The following CATSPER2 variants were observed in gnomAD, a reference collection of about 807,000 sequenced individuals.
CATSPER2 encodes cation channel sperm associated 2.
Under a neutral mutation model 68.8 loss-of-function variants are expected in CATSPER2, and 56 were observed. The observed-to-expected ratio is 0.81, with a 90% CI of 0.66 to 1.02. The LOEUF (loss-of-function observed/expected upper bound fraction) is 1.02, where lower values mean the gene tolerates loss of function less well. Ranked by LOEUF, CATSPER2 falls within the 50% of genes least tolerant of loss-of-function variation. The probability of loss-of-function intolerance (pLI) is 0.00; values close to 1 mark genes in which losing one functional copy is unlikely to be tolerated. For missense variants in CATSPER2, 582 were observed against 642.0 expected (o/e 0.91, Z 1.01); for synonymous variants, 198 against 229.9 (o/e 0.86, Z 1.26).
rs1170121736 is a variant in CATSPER2, at chr15:43,648,750, C to A, written c.-124G>T. On this transcript the variant is annotated 5_prime_UTR_variant, in exon 1 of 13. Transcript: ENST00000396879. ...TCAGGGCCGGCTCCCAGCCTCACTGCGCCCCATTCCCCGCCCCGCTCGACC... is the reference window on the plus strand; with the variant it reads ...TCAGGGCCGGCTCCCAGCCTCACTGAGCCCCATTCCCCGCCCCGCTCGACC... 2.2e-5 allele frequency: 33 copies of A among 1,524,512 alleles called. No homozygotes were observed. The highest frequency in any genetic ancestry group is 1.5e-4 in the East Asian group (6 of 39,718). 94.4% of individuals were successfully genotyped at this position (1,524,512 alleles called of 1,614,324 possible).
At chr15:43,631,884 G>C (rs536214829) in intron 12 of CATSPER2, among the ~76,000 whole-genome samples, 3 of 151,872 alleles carry the variant, frequency 2.0e-5, no homozygotes, top group Admixed American at 6.6e-5. Flanking sequence ...TCAAGCAAGA[G>C]CCTACCTTGT....
intron 11 of CATSPER2, 157 bp from the exon 12 acceptor site, chr15:43,632,520 G>C: frequency 7.1e-7 from 1 of 1,407,430 alleles, no homozygotes; most frequent in Non-Finnish European, 9.9e-7. Flanking sequence ...TTTTTACAAC[G>C]AGCAAAGAGG....
chr15:43,640,559 T>C, intron 4 of CATSPER2, 63 bp from the exon 5 acceptor site: 4 of 1,608,746 alleles, frequency 2.5e-6, no homozygotes, highest in East Asian at 2.2e-5. Flanking sequence ...TGATGGAGAA[T>C]GAACACACTT....
At chr15:43,647,010 C>A in intron 4 of CATSPER2, 40 bp downstream of exon 4, 1 of 1,549,844 alleles carries the variant, frequency 6.5e-7, no homozygotes, top group Non-Finnish European at 8.9e-7. Flanking sequence ...AGCCGGCGTG[C>A]CCGGCCTCAC....
rs1358311903 is a variant in CATSPER2 at position 43,636,073 on chromosome 15, A to G, written c.989T>C (p.Ile330Thr). Residue 330 changes from isoleucine to threonine, a missense_variant, in exon 8 of 13, where the codon ATT becomes ACT. Physicochemically the swap from Ile to Thr is moderately conservative, Grantham distance 89 (BLOSUM62 -1). This residue lies in a region of CATSPER2 where 235 missense variants were observed against 264.2 expected (regional missense o/e 0.89). Coordinates refer to ENST00000396879, the MANE Select transcript of CATSPER2 (RefSeq NM_172095.4). ...YFILWLLLGS[I>T]IFRSIIVAMM... ...GGCTACTATGATACTTCGAAAGATA[A>G]TGGAGCCAAGCAACAACCAAAGGAT... 5 of 1,588,846 alleles carry G rather than the reference A, an allele frequency of 3.1e-6. No homozygotes were observed. In the African/African-American group the frequency reaches 6.8e-5, roughly 22 times the overall value.
chr15:43,647,814 T>C (rs899618184), intron 2 of CATSPER2, 103 bp downstream of exon 2: 4 of 1,294,262 alleles, frequency 3.1e-6, no homozygotes, highest in Non-Finnish European at 4.5e-6. Flanking sequence ...TTATCAAGTT[T>C]GGTAAACCAG....
Position 43,632,281 on chromosome 15 carries a change from T to C in CATSPER2, c.1479A>G (p.Arg493=). 6.2e-7 allele frequency: 1 copy of C among 1,613,690 alleles called. No homozygotes were observed. The highest frequency in any genetic ancestry group is 1.3e-5 in the African/African-American group (1 of 74,928). The part of the protein sequence containing the change: ...EMDQDDRVWP[R]DSLFRYFELL... ...ACTCAAAATATCGGAAGAGTGAGTC[T>C]CTGGGCCAAACACGGTCATCCTGAT... The change falls in exon 12 of 13, where the codon AGA becomes AGG. Residue 493 remains arginine, a synonymous_variant. Transcript: ENST00000396879.
chr15:43,635,966 C>A, intron 8 of CATSPER2, 75 bp downstream of exon 8: 2 of 1,223,774 alleles, frequency 1.6e-6, no homozygotes, highest in South Asian at 2.6e-5. Flanking sequence ...TACCCATAAG[C>A]CACCAATCCC....
At chr15:43,644,841 T>C (rs1248932496) in intron 4 of CATSPER2, among the ~76,000 whole-genome samples, 2 of 151,974 alleles carry the variant, frequency 1.3e-5, no homozygotes, top group South Asian at 2.1e-4. Context: ...GTTACTATTA[T>C]TTACTTCATT....
intron 4 of CATSPER2, among the ~76,000 whole-genome samples, chr15:43,645,534 C>T (rs1469278613): frequency 6.6e-6 from 1 of 151,804 alleles, no homozygotes; most frequent in East Asian, 1.9e-4. Flanking sequence ...CGCCTGTAAT[C>T]CCAGCACTTT....
rs766054941 is a variant in CATSPER2, at chr15:43,632,359, A to AGAGT, written c.1400_1401insACTC (p.Asp469PhefsTer21). 9.9e-5 allele frequency: 160 copies of AGAGT among 1,613,440 alleles called. 1 individual carries two copies. The highest frequency in any genetic ancestry group is 1.2e-4 in the Non-Finnish European group (145 of 1,179,830). ...CGTGCACAAGAGTCTCCCAGTCCAA[A>AGAGT]CGACCTGCAGGGAGGAATGCTTCAG... On this transcript the variant is annotated frameshift_variant, in exon 12 of 13. Transcript: ENST00000396879. LOFTEE classifies it high-confidence loss of function.
intron 10 of CATSPER2, chr15:43,633,591 G>C (rs767529117): frequency 2.6e-5 from 4 of 154,632 alleles, no homozygotes; most frequent in African/African-American, 7.3e-5. Flanking sequence ...TACCTCCTTC[G>C]AGTCTTTGCT....
rs550866834 is a variant in CATSPER2, at chr15:43,640,442, A to T, written c.443T>A (p.Val148Glu). 4.3e-6 allele frequency: 7 copies of T among 1,611,000 alleles called. No homozygotes were observed. The highest frequency in any genetic ancestry group is 5.9e-6 in the Non-Finnish European group (7 of 1,177,856). The change falls in exon 5 of 13, where the codon GTG becomes GAG. Residue 148 changes from valine (V) to glutamate (E), a missense_variant. Physicochemically the swap from Val to Glu is moderately radical, Grantham distance 121. Coordinates refer to ENST00000396879, the MANE Select transcript of CATSPER2 (RefSeq NM_172095.4). ...AATAAGCAAGATAAACCAAGCTGCC[A>T]CCTCCAAGGTCAGCTTCAATGGCCA... is the stretch of plus-strand genomic sequence containing the variant. ...KLWPLKLTLE[V>E]AAWFILLIFI...
In CATSPER2 at chr15:43,636,207, A is replaced by T; in HGVS notation, c.855T>A (p.Asn285Lys). The change falls in exon 8 of 13, where the codon AAT (asparagine) becomes AAA (lysine). Residue 285 changes from asparagine (N) to lysine (K), a missense_variant. By Grantham distance (94) the Asn-to-Lys change is moderately conservative. Transcript: ENST00000396879. Reference protein sequence around the residue: ...EYHVFFSDLPNSLVTVFILFT... With the variant: ...EYHVFFSDLPKSLVTVFILFT... ...AGAGAATGAACACTGTTACCAGGGA[A>T]TTCGGGAGGTCCCTAAAGAAAAAGA... is the stretch of plus-strand genomic sequence containing the variant. 1 of 1,613,222 alleles carries T rather than the reference A, an allele frequency of 6.2e-7. No homozygotes were observed. Among genetic ancestry groups the T allele is most frequent in the East Asian group, 2.2e-5 (1 of 44,854 alleles).
Position 43,639,016 on chromosome 15 carries a change from G to A in CATSPER2, c.730C>T (p.Leu244Phe), listed in dbSNP as rs764458768. 3 of 1,612,426 alleles carry A rather than the reference G, an allele frequency of 1.9e-6. No homozygotes were observed. Among genetic ancestry groups the A allele is most frequent in the Non-Finnish European group, 2.5e-6 (3 of 1,179,174 alleles). The change falls in exon 7 of 13, where the codon CTC (leucine) becomes TTC (phenylalanine). Residue 244 changes from leucine (L) to phenylalanine (F), a missense_variant. Transcript: ENST00000396879. ...AAGAAGATGAGCAGCAACATCAAGAGGAAGGTCATGCTCTAGAGGCCATAA... is the reference window on the plus strand; with the variant it reads ...AAGAAGATGAGCAGCAACATCAAGAAGAAGGTCATGCTCTAGAGGCCATAA... ...LVRALKSMTF[L>F]LMLLLIFFYI...
At chr15:43,648,485 C>T (rs1326453573) in intron 1 of CATSPER2, 144 bp downstream of exon 1, 8 of 826,928 alleles carry the variant, frequency 9.7e-6, no homozygotes, top group Admixed American at 3.7e-5. Context: ...GGCCTGCTCA[C>T]GCAAGAGAAA....
At chr15:43,631,392 A>G (rs538193321) in intron 12 of CATSPER2, 13 of 188,442 alleles carry the variant, frequency 6.9e-5, no homozygotes, top group Admixed American at 5.0e-4. Flanking sequence ...CACAACGTCC[A>G]GCTGATTTTT....
In CATSPER2 at chr15:43,647,030, C is replaced by T. The variant is rs1567133823; in HGVS notation, c.388+20G>A. ...GCGTGCCCGGCCTCACTTCCTCTTTCATACAAGGTCAGTTCTCACCTATTT... is the reference window on the plus strand; with the variant it reads ...GCGTGCCCGGCCTCACTTCCTCTTTTATACAAGGTCAGTTCTCACCTATTT... On this transcript the variant is annotated intron_variant, in intron 4 of 12. Coordinates refer to ENST00000396879, the MANE Select transcript of CATSPER2 (RefSeq NM_172095.4). The T allele has an allele frequency of 6.2e-7, 1 of 1,601,654 alleles. No individual in the cohort carries two copies. Among genetic ancestry groups the T allele is most frequent in the Admixed American group, 1.7e-5 (1 of 59,990 alleles).
At position 43,647,936 on chromosome 15, in the gene CATSPER2, G is replaced by C; in HGVS notation, c.126C>G (p.His42Gln). 6.2e-7 allele frequency: 1 copy of C among 1,613,700 alleles called. No homozygotes were observed. Among genetic ancestry groups the C allele is most frequent in the African/African-American group, 1.3e-5 (1 of 74,962 alleles). The change falls in exon 2 of 13, where the codon CAC becomes CAG. Residue 42 changes from histidine to glutamine, a missense_variant. This residue lies in a region of CATSPER2 where 197 missense variants were observed against 191.0 expected (regional missense o/e 1.03). Coordinates refer to ENST00000396879, the MANE Select transcript of CATSPER2 (RefSeq NM_172095.4). ...GCTGACCAAGTAACTCCCTGATAGT[G>C]TGCCGCGGCACAGCTTGGCTCAAGC... ...LQGLSQAVPR[H>Q]TIRELLDPSR...
Sources: gnomAD v4.1 joint callset for allele counts (sites outside exome capture counted in the v4.1 genomes callset) on GRCh38, gnomAD v4.1.1 for gene constraint, gnomAD v4.1.1 regional missense constraint, MANE v1.5 for transcripts, NCBI Gene and HGNC (gene_info 2026-07-23, HGNC 2026-07-21) for gene names.